Variants in DAB1 observed in about 807,000 individuals in gnomAD.
The protein encoded by DAB1 is DAB adaptor protein 1.
In DAB1, 15 loss-of-function variants were observed where a neutral mutation model predicts 64.6. The observed-to-expected ratio is 0.23, with a 90% CI of 0.16 to 0.36. The LOEUF is 0.36. Ranked by LOEUF, DAB1 falls within the 10% of genes least tolerant of loss-of-function variation. The probability of loss-of-function intolerance (pLI) is 1.00; values close to 1 mark genes in which losing one functional copy is unlikely to be tolerated. For synonymous variants in DAB1, 235 were observed against 251.9 expected (o/e 0.93, Z 0.64); for missense variants, 596 against 706.7 (o/e 0.84, Z 1.78).
At chr1:57,217,162 G>C (rs490419) in intron 2 of DAB1, among the ~76,000 whole-genome samples, 41,747 of 152,054 alleles carry the variant, frequency 0.27, 7,334 homozygotes, top group Middle Eastern at 0.39. Flanking sequence ...CTTTCAGAAG[G>C]GATGGGATCA....
chr1:58,309,568 A>T (rs1179144790), intron 4 of DAB1, among the ~76,000 whole-genome samples: 2 of 152,150 alleles, frequency 1.3e-5, no homozygotes, highest in African/African-American at 4.8e-5. Context: ...ACCACAAAAA[A>T]CTATGGCATA....
chr1:58,150,944 T>G (rs1244412304), intron 4 of DAB1, among the ~76,000 whole-genome samples: 1 of 152,170 alleles, frequency 6.6e-6, no homozygotes, highest in African/African-American at 2.4e-5. Context: ...CATGCGGTAT[T>G]TGGTTTTTTG....
intron 3 of DAB1, among the ~76,000 whole-genome samples, chr1:58,471,069 G>C (rs897913348): frequency 1.3e-5 from 2 of 152,200 alleles, no homozygotes; most frequent in Admixed American, 1.3e-4. Context: ...TTAGGTGCAA[G>C]TAAGAGAATA....
chr1:57,063,421 G>A (rs1650601125), intron 8 of DAB1, among the ~76,000 whole-genome samples: 1 of 152,154 alleles, frequency 6.6e-6, no homozygotes, highest in Non-Finnish European at 1.5e-5. Flanking sequence ...AGCTTCTACT[G>A]GGATCAGATA....
intron 7 of DAB1, among the ~76,000 whole-genome samples, chr1:57,511,886 A>T (rs1644409462): frequency 1.3e-5 from 2 of 152,162 alleles, no homozygotes; most frequent in South Asian, 4.1e-4. Flanking sequence ...ATACCCCAGA[A>T]ATTGGTCACT....
intron 5 of DAB1, among the ~76,000 whole-genome samples, chr1:57,927,921 C>T (rs1006299266): frequency 6.6e-6 from 1 of 152,158 alleles, no homozygotes; most frequent in African/African-American, 2.4e-5. Flanking sequence ...CATATGTGTA[C>T]TCATCTATCC....
intron 1 of DAB1, among the ~76,000 whole-genome samples, chr1:57,408,497 C>T (rs1683842397): frequency 6.6e-6 from 1 of 152,106 alleles, no homozygotes; most frequent in South Asian, 2.1e-4. Context: ...ATGAGTTACC[C>T]AAAATCTTGA....
chr1:58,491,953 A>G (rs1055282476), intron 3 of DAB1, among the ~76,000 whole-genome samples: 1 of 152,222 alleles, frequency 6.6e-6, no homozygotes, highest in African/African-American at 2.4e-5. Context: ...CCAAATCAAC[A>G]GAATATACAT....
chr1:57,538,579 C>T (rs1322928812), intron 7 of DAB1, among the ~76,000 whole-genome samples: 3 of 152,194 alleles, frequency 2.0e-5, no homozygotes, highest in Non-Finnish European at 4.4e-5. Context: ...GAGATGGACG[C>T]TTGGAGCTGC....
chr1:58,244,604 T>G (rs1660449752), intron 4 of DAB1, among the ~76,000 whole-genome samples: 1 of 152,154 alleles, frequency 6.6e-6, no homozygotes, highest in South Asian at 2.1e-4. Context: ...ACAAGAACAG[T>G]CTCCACAGTA....
At chr1:57,374,620 C>A (rs1237604758) in intron 1 of DAB1, among the ~76,000 whole-genome samples, 1 of 152,168 alleles carries the variant, frequency 6.6e-6, no homozygotes, top group Non-Finnish European at 1.5e-5. Context: ...CTAGACAATT[C>A]TTTCTTCATC....
In DAB1 at chr1:57,499,620, A is replaced by G. The variant is rs184678320; in HGVS notation, n.625+149972T>C. On this transcript the variant is annotated intron_variant and non_coding_transcript_variant, in intron 7 of 20. Transcript: ENST00000485760. ...TTTTTCTAGATGCATGTGATGAAAA[A>G]CCAGGGAGGCAAGGAAGTTAAAAGT... Among the ~76,000 whole-genome samples, 72 of 152,212 alleles carry G rather than the reference A, an allele frequency of 4.7e-4. 1 individual carries two copies. The East Asian group carries it at 9.1e-3, about 19-fold the overall frequency.
intron 5 of DAB1, among the ~76,000 whole-genome samples, chr1:58,139,629 G>C (rs1350507710): frequency 6.6e-6 from 1 of 151,966 alleles, no homozygotes; most frequent in African/African-American, 2.4e-5. Context: ...TTTAAGGTGA[G>C]ATTTGGGTTG....
At chr1:58,018,194 C>T (rs761593104) in intron 5 of DAB1, among the ~76,000 whole-genome samples, 4 of 152,064 alleles carry the variant, frequency 2.6e-5, no homozygotes, top group Non-Finnish European at 5.9e-5. Context: ...TCTGTCTCTC[C>T]CTGTCTGTAC....
chr1:58,292,451 T>A (rs1661866866), intron 4 of DAB1, among the ~76,000 whole-genome samples: 1 of 152,212 alleles, frequency 6.6e-6, no homozygotes. Flanking sequence ...AATTCTTCAA[T>A]TCCATTCAAT....
At chr1:58,072,504 A>C (rs762882599) in intron 5 of DAB1, among the ~76,000 whole-genome samples, 2 of 152,238 alleles carry the variant, frequency 1.3e-5, no homozygotes, top group African/African-American at 4.8e-5. Flanking sequence ...CTCATATGCA[A>C]GATGGGAGTA....
chr1:58,208,715 T>G (rs369381092), intron 4 of DAB1, among the ~76,000 whole-genome samples: 1 of 152,210 alleles, frequency 6.6e-6, no homozygotes, highest in Non-Finnish European at 1.5e-5. Context: ...GCTGGTTCCA[T>G]GCTTTTGCAA....
chr1:57,832,865 C>A (rs1302990507), intron 1 of DAB1, among the ~76,000 whole-genome samples: 1 of 152,110 alleles, frequency 6.6e-6, no homozygotes, highest in Non-Finnish European at 1.5e-5. Context: ...GGTGGTCCAC[C>A]CAAAACTGGC....
At chr1:57,079,220 A>G (rs1419835970) in intron 4 of DAB1, among the ~76,000 whole-genome samples, 1 of 152,138 alleles carries the variant, frequency 6.6e-6, no homozygotes, top group Non-Finnish European at 1.5e-5. Context: ...GCTACAATCA[A>G]AATGCTGTTT....
Sources: allele counts gnomAD v4.1 joint callset (sites outside exome capture counted in the v4.1 genomes callset), GRCh38; gene constraint gnomAD v4.1.1; transcripts MANE v1.5; gene names NCBI Gene and HGNC (gene_info 2026-07-23, HGNC 2026-07-21).